Variants in TFDP1 observed in about 807,000 individuals in gnomAD.
TFDP1 encodes DRTF1-polypeptide 1.
Under a neutral mutation model 48.0 loss-of-function variants are expected in TFDP1, and 6 were observed. That is an observed-to-expected ratio of 0.13 (90% CI 0.07 to 0.25). The LOEUF is 0.25. Among genes scored for constraint, TFDP1 ranks in the 10% least tolerant of loss-of-function variants. The pLI, the probability that TFDP1 is intolerant of heterozygous loss-of-function variation, is 1.00. For synonymous variants in TFDP1, 201 were observed against 211.6 expected, an observed-to-expected ratio of 0.95 and a Z score of 0.44; for missense variants, 335 against 543.0, an observed-to-expected ratio of 0.62 and a Z score of 3.81.
chr13:113,622,376 C>T (rs1260728815), intron 3 of TFDP1, among the ~76,000 whole-genome samples: 1 of 152,244 alleles, frequency 6.6e-6, no homozygotes, highest in African/African-American at 2.4e-5. Context: ...CCCTTGCTGC[C>T]TCTGTGTGGC....
chr13:113,616,971 G>A (rs1228459239), intron 3 of TFDP1, among the ~76,000 whole-genome samples: 2 of 152,170 alleles, frequency 1.3e-5, no homozygotes, highest in Non-Finnish European at 2.9e-5. Context: ...ACATTTCTGT[G>A]GCCGTAACCC....
At chr13:113,613,661 GTA>G (rs1221918595) in intron 3 of TFDP1, among the ~76,000 whole-genome samples, 4 of 149,676 alleles carry the variant, frequency 2.7e-5, no homozygotes, top group African/African-American at 9.9e-5. Context: ...GAATGCGTGG[GTA>G]TGAGTGTGTG....
At chr13:113,601,837 GCGGA>G (rs2048437397) in intron 2 of TFDP1, among the ~76,000 whole-genome samples, 1 of 152,166 alleles carries the variant, frequency 6.6e-6, no homozygotes, top group Non-Finnish European at 1.5e-5. Flanking sequence ...TGAGGGAGGA[GCGGA>G]TGGAGTTACC....
At chr13:113,632,629 T>A (rs1341819838) in intron 5 of TFDP1, among the ~76,000 whole-genome samples, 1 of 152,036 alleles carries the variant, frequency 6.6e-6, no homozygotes, top group Non-Finnish European at 1.5e-5. Context: ...TACAAAAAAA[T>A]TAGCCAGATG....
At chr13:113,634,735 G>A (rs1806638392) in intron 8 of TFDP1, 133 bp downstream of exon 8, 1 of 692,966 alleles carries the variant, frequency 1.4e-6, no homozygotes. Context: ...CTGAGTGTGA[G>A]TTCATCTCAT....
chr13:113,619,686 G>C (rs141948672), intron 3 of TFDP1, among the ~76,000 whole-genome samples: 3 of 152,072 alleles, frequency 2.0e-5, no homozygotes, highest in Non-Finnish European at 2.9e-5. Flanking sequence ...GGCCGGACAG[G>C]GGGTATTCAC....
At chr13:113,614,260 G>A (rs141109608) in intron 3 of TFDP1, among the ~76,000 whole-genome samples, 288 of 152,036 alleles carry the variant, frequency 1.9e-3, no homozygotes, top group African/African-American at 6.7e-3. Flanking sequence ...CTGATTGTGC[G>A]TGTGTGTGAG....
Position 113,607,957 on chromosome 13 carries a change from C to A in TFDP1, c.13-3039C>A, listed in dbSNP as rs757257276. ...AGGGGCAGTTGGTGTTCTCGCAGGG[C>A]CTGTGTTGGTGCATATGAGGAGTGT... On this transcript the variant is annotated intron_variant, in intron 2 of 11. Transcript: ENST00000375370. The surrounding 1 kb of genome is among the most constrained non-coding windows in gnomAD (Gnocchi z 5.2). 2.0e-5 allele frequency among the ~76,000 whole-genome samples: 3 copies of A among 152,150 alleles called. No individual in the cohort carries two copies. Among genetic ancestry groups the A allele is most frequent in the African/African-American group, 4.8e-5 (2 of 41,440 alleles).
Position 113,623,314 on chromosome 13 carries a change from G to T in TFDP1, c.186+28G>T. ...AAGCCTCCCGCAGGAGCGGACAGCCGGGATCTCGGTGTGAGGTCGGGATCG... is the reference window on the plus strand; with the variant it reads ...AAGCCTCCCGCAGGAGCGGACAGCCTGGATCTCGGTGTGAGGTCGGGATCG... On this transcript the variant is annotated intron_variant, in intron 4 of 11. Transcript: ENST00000375370. The surrounding 1 kb of genome is among the most constrained non-coding windows in gnomAD (Gnocchi z 5.2). 1 of 1,580,424 alleles carries T rather than the reference G, an allele frequency of 6.3e-7. No homozygotes were observed. Among genetic ancestry groups the T allele is most frequent in the African/African-American group, 1.4e-5 (1 of 74,060 alleles).
intron 8 of TFDP1, 141 bp downstream of exon 8, chr13:113,634,743 CAT>C (rs2049429602): frequency 3.0e-6 from 2 of 673,990 alleles, no homozygotes; most frequent in Non-Finnish European, 2.5e-6. Context: ...GAGTTCATCT[CAT>C]AGGTGTTGAA....
chr13:113,638,029 A>G (rs960952447), intron 11 of TFDP1, 133 bp downstream of exon 11: 14 of 1,239,726 alleles, frequency 1.1e-5, no homozygotes, highest in African/African-American at 1.5e-5. Context: ...CTGTCCAGGC[A>G]GTGGGGCCCC....
intron 10 of TFDP1, chr13:113,637,557 C>T (rs1251327646): frequency 1.2e-5 from 18 of 1,450,974 alleles, no homozygotes; most frequent in East Asian, 5.6e-5. Flanking sequence ...CAGCAGCACA[C>T]GTGTGCCGTT....
intron 2 of TFDP1, among the ~76,000 whole-genome samples, chr13:113,594,813 A>G (rs1243504097): frequency 1.3e-5 from 2 of 152,272 alleles, no homozygotes; most frequent in East Asian, 1.9e-4. Flanking sequence ...TACTAAAAAA[A>G]GTTCAAGTAA....
At chr13:113,603,565 C>A (rs954094567) in intron 2 of TFDP1, among the ~76,000 whole-genome samples, 2 of 152,180 alleles carry the variant, frequency 1.3e-5, no homozygotes, top group Non-Finnish European at 2.9e-5. Context: ...TCAATTGATT[C>A]AGCTTTTTCT....
rs747581072 is a variant in TFDP1, at chr13:113,623,648, G to A, written c.186+362G>A. 6.6e-6 allele frequency among the ~76,000 whole-genome samples: 1 copy of A among 152,200 alleles called. No homozygotes were observed. Among genetic ancestry groups the A allele is most frequent in the Non-Finnish European group, 1.5e-5 (1 of 68,014 alleles). On this transcript the variant is annotated intron_variant, in intron 4 of 11. Coordinates refer to ENST00000375370, the MANE Select transcript of TFDP1 (RefSeq NM_007111.5). The surrounding 1 kb of genome is among the most constrained non-coding windows in gnomAD (Gnocchi z 5.2). ...CAGGGGCTTCTTACGTGATGTGGCC[G>A]AGCGTTGGCTGTGGCCCTCCTGGAG...
intron 3 of TFDP1, among the ~76,000 whole-genome samples, chr13:113,621,749 A>C (rs535016429): frequency 2.6e-4 from 39 of 152,316 alleles, no homozygotes; most frequent in African/African-American, 8.2e-4. Flanking sequence ...CGGTAGCCTC[A>C]GTGTCACGGA....
At chr13:113,622,560 T>C (rs1222243190) in intron 3 of TFDP1, among the ~76,000 whole-genome samples, 4 of 152,252 alleles carry the variant, frequency 2.6e-5, no homozygotes, top group Admixed American at 2.6e-4. Flanking sequence ...TCTGTTTATG[T>C]GTAAATGTTC....
rs1013196709 is a variant in TFDP1, at chr13:113,640,426, C to T, written c.*159C>T. Reference sequence around the variant, plus strand: ...CCTCTGATAAGCAAGGATTGTTTCCCGTAGGATTAGGACGTGCTGTGGATG... The same window carrying T: ...CCTCTGATAAGCAAGGATTGTTTCCTGTAGGATTAGGACGTGCTGTGGATG... On this transcript the variant is annotated 3_prime_UTR_variant, in exon 12 of 12. Transcript: ENST00000375370. 18 of 1,263,080 alleles carry T rather than the reference C, an allele frequency of 1.4e-5. No individual in the cohort carries two copies. The Admixed American group carries it at 2.3e-4, about 16-fold the overall frequency. 78.2% of individuals were successfully genotyped at this position (1,263,080 alleles called of 1,614,324 possible). A position where few individuals can be genotyped will look rare whatever the true frequency, so the allele number is the denominator to read the frequency against.
Position 113,623,120 on chromosome 13 carries a change from G to T in TFDP1, c.80-60G>T. 4 of 1,461,594 alleles carry T rather than the reference G, an allele frequency of 2.7e-6. No individual in the cohort carries two copies. The Middle Eastern group carries it at 5.7e-4, about 207-fold the overall frequency. 90.5% of individuals were successfully genotyped at this position (1,461,594 alleles called of 1,614,324 possible). A position where few individuals can be genotyped will look rare whatever the true frequency, so the allele number is the denominator to read the frequency against. ...GCACCGTCTTGCATTTAGAATGGTC[G>T]CTTGTAGCCTTAACTTAGAAAAGGA... is the stretch of plus-strand genomic sequence containing the variant. On this transcript the variant is annotated intron_variant, in intron 3 of 11. Coordinates refer to ENST00000375370, the MANE Select transcript of TFDP1 (RefSeq NM_007111.5). This position sits in a 1 kb window ranked among gnomAD's most constrained non-coding sequence, Gnocchi z 5.2.
Sources: gnomAD v4.1 joint callset for allele counts (sites outside exome capture counted in the v4.1 genomes callset) on GRCh38, gnomAD v4.1.1 for gene constraint, Gnocchi (gnomAD v3.1) non-coding constraint, MANE v1.5 for transcripts, NCBI Gene and HGNC (gene_info 2026-07-23, HGNC 2026-07-21) for gene names.